Variants in RASEF observed in about 807,000 individuals in gnomAD.
The protein encoded by RASEF is ras and EF-hand domain-containing protein.
Under a neutral mutation model 90.1 loss-of-function variants are expected in RASEF, and 68 were observed. The observed-to-expected ratio is 0.75, with a 90% CI of 0.62 to 0.92. The LOEUF is 0.92. Among genes scored for constraint, RASEF ranks in the 40% least tolerant of loss-of-function variants. The pLI is 0.00. For synonymous variants in RASEF, 331 were observed against 345.2 expected (o/e 0.96, Z 0.46); for missense variants, 949 against 937.2 (o/e 1.01, Z -0.16).
In RASEF at chr9:83,025,784, G is replaced by T; in HGVS notation, c.569C>A (p.Ala190Glu). ...QSTEMENLAI[A>E]VKRAQDKAAM... ...GGAAGGACTTCAATACCTCTTCACC[G>T]CAATGGCCAAATTTTCCATTTCTGT... The change falls in exon 2 of 17, where the codon GCG becomes GAG. Residue 190 changes from alanine (A) to glutamate (E), a missense_variant. Around this residue, in one of 3 missense-constraint regions of RASEF, gnomAD observed 656 missense variants for 592.2 expected, o/e 1.11. Transcript: ENST00000376447. The T allele has an allele frequency of 6.2e-7, 1 of 1,613,310 alleles. No individual in the cohort carries two copies. Among genetic ancestry groups the T allele is most frequent in the South Asian group, 1.1e-5 (1 of 90,866 alleles).
At chr9:83,175,433 A>G in the RASEF span, among the ~76,000 whole-genome samples, 2 of 152,150 alleles carry the variant, frequency 1.3e-5, no homozygotes, top group East Asian at 3.8e-4. Flanking sequence ...GATGTTAACC[A>G]ACCTTGCATT....
At chr9:83,112,873 AGAT>A in the RASEF span, among the ~76,000 whole-genome samples, 1 of 152,134 alleles carries the variant, frequency 6.6e-6, no homozygotes. Flanking sequence ...AAGACAATGG[AGAT>A]ACAAAGATGT....
intron 1 of RASEF, among the ~76,000 whole-genome samples, chr9:83,059,547 A>G (rs1830169411): frequency 6.6e-6 from 1 of 152,132 alleles, no homozygotes; most frequent in Admixed American, 6.5e-5. Flanking sequence ...CACCAAGACA[A>G]TGACCCAGGC....
chr9:83,131,079 T>A, the RASEF span, among the ~76,000 whole-genome samples: 2 of 152,192 alleles, frequency 1.3e-5, no homozygotes, highest in Non-Finnish European at 2.9e-5. Flanking sequence ...AGTGAAACAG[T>A]CAGACAACGT....
chr9:83,145,925 A>G, the RASEF span, among the ~76,000 whole-genome samples: 1 of 152,088 alleles, frequency 6.6e-6, no homozygotes, highest in Non-Finnish European at 1.5e-5. Context: ...AATAACAAAT[A>G]TCCCTAGGTC....
At chr9:83,188,401 T>G in the RASEF span, among the ~76,000 whole-genome samples, 1 of 152,264 alleles carries the variant, frequency 6.6e-6, no homozygotes, top group African/African-American at 2.4e-5. Flanking sequence ...TTTGTCTGCT[T>G]ACAGAGGCTT....
At chr9:83,082,853 A>T in the RASEF span, among the ~76,000 whole-genome samples, 1 of 152,230 alleles carries the variant, frequency 6.6e-6, no homozygotes, top group Non-Finnish European at 1.5e-5. Context: ...GGATGGAACT[A>T]TTATTAGAAA....
the RASEF span, among the ~76,000 whole-genome samples, chr9:83,079,409 G>A: frequency 1.3e-5 from 2 of 152,192 alleles, no homozygotes; most frequent in Admixed American, 1.3e-4. Flanking sequence ...CTATGTGCCT[G>A]TTTTTGTACC....
chr9:83,065,556 C>T (rs920604610), upstream of RASEF, among the ~76,000 whole-genome samples: 1 of 152,162 alleles, frequency 6.6e-6, no homozygotes, highest in Non-Finnish European at 1.5e-5. Context: ...GTCACATGGC[C>T]AAGCCCTAAG....
At chr9:83,038,639 A>G (rs1036550239) in intron 1 of RASEF, among the ~76,000 whole-genome samples, 2 of 152,074 alleles carry the variant, frequency 1.3e-5, no homozygotes, top group African/African-American at 2.4e-5. Flanking sequence ...AGTGATAAGA[A>G]TTTTTGCTTC....
At chr9:83,087,405 T>TCTCTCTCTCTCTCTC in the RASEF span, among the ~76,000 whole-genome samples, 7 of 115,598 alleles carry the variant, frequency 6.1e-5, no homozygotes, top group South Asian at 3.6e-4. Flanking sequence ...TTCTCATTCA[T>TCTCTCTCTCTCTCTC]TCTCTCTCTC....
intron 9 of RASEF, among the ~76,000 whole-genome samples, chr9:83,003,511 A>G (rs1317707103): frequency 1.3e-5 from 2 of 152,238 alleles, no homozygotes; most frequent in East Asian, 1.9e-4. Flanking sequence ...AAATGACATC[A>G]CACCTACACA....
chr9:83,188,966 C>T, the RASEF span, among the ~76,000 whole-genome samples: 1 of 152,242 alleles, frequency 6.6e-6, no homozygotes, highest in East Asian at 1.9e-4. Context: ...TGACTATGTC[C>T]CCCAGCCATA....
chr9:83,167,139 C>T, the RASEF span, among the ~76,000 whole-genome samples: 13 of 151,978 alleles, frequency 8.6e-5, no homozygotes, highest in South Asian at 2.7e-3. Context: ...AGTTAATATA[C>T]TTGAAAGGCT....
the RASEF span, among the ~76,000 whole-genome samples, chr9:83,217,303 G>C: frequency 6.6e-6 from 1 of 152,132 alleles, no homozygotes; most frequent in Non-Finnish European, 1.5e-5. Context: ...GTGGACTTTT[G>C]AGTTAATGCT....
the RASEF span, among the ~76,000 whole-genome samples, chr9:83,187,068 C>A: frequency 1.3e-5 from 2 of 152,086 alleles, no homozygotes; most frequent in African/African-American, 4.8e-5. Flanking sequence ...AGACCATGCC[C>A]ATAGCTTAGA....
intron 16 of RASEF, among the ~76,000 whole-genome samples, chr9:82,983,606 G>A (rs1022244235): frequency 6.6e-5 from 10 of 152,186 alleles, no homozygotes; most frequent in African/African-American, 2.4e-4. Flanking sequence ...AGTGCCTGAT[G>A]CCTCTCCCAT....
the RASEF span, among the ~76,000 whole-genome samples, chr9:83,122,993 A>C: frequency 6.6e-6 from 1 of 151,894 alleles, no homozygotes; most frequent in African/African-American, 2.4e-5. Flanking sequence ...TAATCCCAAC[A>C]CTTTGGCAGG....
chr9:83,113,311 A>G, the RASEF span, among the ~76,000 whole-genome samples: 4 of 152,310 alleles, frequency 2.6e-5, no homozygotes, highest in East Asian at 7.7e-4. Context: ...CTTTACTTTA[A>G]TCTCTTAATC....
Sources: allele counts gnomAD v4.1 joint callset (sites outside exome capture counted in the v4.1 genomes callset), GRCh38; gene constraint gnomAD v4.1.1; regional missense constraint gnomAD v4.1.1; transcripts MANE v1.5; gene names NCBI Gene and HGNC (gene_info 2026-07-23, HGNC 2026-07-21).